The following SCNN1B variants were observed in gnomAD, a reference collection of about 807,000 sequenced individuals.
The protein encoded by SCNN1B is epithelial sodium channel subunit beta.
Under a neutral mutation model 65.3 loss-of-function variants are expected in SCNN1B, and 46 were observed. That is an observed-to-expected ratio of 0.70 (90% CI 0.56 to 0.90). The LOEUF (loss-of-function observed/expected upper bound fraction) is 0.90, where lower values mean the gene tolerates loss of function less well. Ranked by LOEUF, SCNN1B falls within the 40% of genes least tolerant of loss-of-function variation. The probability of loss-of-function intolerance (pLI) is 0.00; values close to 1 mark genes in which losing one functional copy is unlikely to be tolerated. For synonymous variants in SCNN1B, 349 were observed against 330.6 expected, an observed-to-expected ratio of 1.06 and a Z score of -0.60; for missense variants, 751 against 830.5, an observed-to-expected ratio of 0.90 and a Z score of 1.18.
chr16:23,380,611 T>C lies in SCNN1B; in HGVS notation c.1733T>C (p.Val578Ala). Reference protein sequence around the residue: ...QASYAGPPPTVAELVEAHTNF... With the variant: ...QASYAGPPPTAAELVEAHTNF... ...AGCTACGCTGGCCCACCGCCCACCG[T>C]GGCCGAGCTGGTGGAGGCCCACACC... Residue 578 changes from valine to alanine, a missense_variant, in exon 13 of 13, where the codon GTG becomes GCG. By Grantham distance (64) the Val-to-Ala change is moderately conservative. Coordinates refer to ENST00000343070, the MANE Select transcript of SCNN1B (RefSeq NM_000336.3). The surrounding 1 kb of genome is among the most constrained non-coding windows in gnomAD (Gnocchi z 5.4). 1.2e-6 allele frequency: 2 copies of C among 1,613,872 alleles called. No individual in the cohort carries two copies. Among genetic ancestry groups the C allele is most frequent in the Non-Finnish European group, 1.7e-6 (2 of 1,179,918 alleles).
At position 23,346,888 on chromosome 16, in the gene SCNN1B, C is replaced by T. The variant is rs148725392; in HGVS notation, c.-8-1704C>T. 4.6e-5 allele frequency among the ~76,000 whole-genome samples: 7 copies of T among 152,180 alleles called. No individual in the cohort carries two copies. The East Asian group carries it at 7.7e-4, about 17-fold the overall frequency. ...CATATTTTCATGCAGCCAGCCTCCA[C>T]GACAGCTTTATCAGGTGGAAGCTGT... On this transcript the variant is annotated intron_variant, in intron 1 of 12. Transcript: ENST00000343070.
At chr16:23,345,853 A>C (rs552365051) in intron 1 of SCNN1B, among the ~76,000 whole-genome samples, 13 of 152,344 alleles carry the variant, frequency 8.5e-5, no homozygotes, top group Non-Finnish European at 1.0e-4. Context: ...GTGAGGGTCC[A>C]GCCTGAAGTC....
chr16:23,330,349 G>A (rs771230682), intron 1 of SCNN1B, among the ~76,000 whole-genome samples: 3 of 152,164 alleles, frequency 2.0e-5, no homozygotes, highest in South Asian at 2.1e-4. Flanking sequence ...AGGCTATAGC[G>A]GTTTTGCTTG....
intron 1 of SCNN1B, among the ~76,000 whole-genome samples, chr16:23,311,013 C>A (rs955635797): frequency 2.6e-5 from 4 of 152,218 alleles, no homozygotes; most frequent in African/African-American, 9.6e-5. Context: ...ATGGCCTAGG[C>A]CAGTGGTCAG....
At chr16:23,282,810 A>C (rs1960800858) in intron 1 of SCNN1B, among the ~76,000 whole-genome samples, 1 of 152,200 alleles carries the variant, frequency 6.6e-6, no homozygotes. Flanking sequence ...ATTTGTATGT[A>C]ATTAAAAGTA....
upstream of SCNN1B, among the ~76,000 whole-genome samples, chr16:23,299,369 A>G (rs1324428929): frequency 6.6e-6 from 1 of 152,008 alleles, no homozygotes; most frequent in East Asian, 1.9e-4. Context: ...CGAAATTGCT[A>G]TTTTCATAGG....
At position 23,305,518 on chromosome 16, in the gene SCNN1B, C is replaced by G. The variant is rs1285942208; in HGVS notation, c.-9+3081C>G. ...TGAGCAACATGGCAAAAACCCATCT[C>G]TACCAAATATATATATTATATATAT... On this transcript the variant is annotated intron_variant, in intron 1 of 12. Transcript: ENST00000343070. Among the ~76,000 whole-genome samples the G allele has an allele frequency of 5.5e-4, 5 of 9,158 alleles. No individual in the cohort carries two copies. In the Admixed American group the frequency reaches 7.1e-3, roughly 13 times the overall value. The allele number at this position is 9,158 out of a possible 152,430, so 6.0% of individuals were successfully genotyped here.
chr16:23,339,328 T>C (rs1159889829), intron 1 of SCNN1B, among the ~76,000 whole-genome samples: 1 of 152,162 alleles, frequency 6.6e-6, no homozygotes, highest in African/African-American at 2.4e-5. Flanking sequence ...TGAACATATA[T>C]GTACAAGTCT....
At chr16:23,298,987 C>A (rs1315574937), upstream of SCNN1B, among the ~76,000 whole-genome samples, 1 of 151,278 alleles carries the variant, frequency 6.6e-6, no homozygotes, top group Non-Finnish European at 1.5e-5. Flanking sequence ...AGAAAACCTT[C>A]AAAAATAACG....
At chr16:23,299,703 G>A (rs1961046946), upstream of SCNN1B, among the ~76,000 whole-genome samples, 1 of 152,228 alleles carries the variant, frequency 6.6e-6, no homozygotes, top group Non-Finnish European at 1.5e-5. Flanking sequence ...AGATGCTGGA[G>A]AGGATGTGGA....
At chr16:23,312,740 G>A (rs901104781) in intron 1 of SCNN1B, among the ~76,000 whole-genome samples, 6 of 152,206 alleles carry the variant, frequency 3.9e-5, no homozygotes, top group East Asian at 3.9e-4. Context: ...ACAAGTCGCC[G>A]GCTGTTGGAA....
intron 1 of SCNN1B, among the ~76,000 whole-genome samples, chr16:23,313,131 C>T (rs764761888): frequency 1.7e-4 from 26 of 152,082 alleles, no homozygotes; most frequent in Non-Finnish European, 3.1e-4. Flanking sequence ...GCTCAGTGAA[C>T]GTTTATTGAA....
At chr16:23,299,300 T>C (rs1163607147), upstream of SCNN1B, among the ~76,000 whole-genome samples, 1 of 152,094 alleles carries the variant, frequency 6.6e-6, no homozygotes, top group Non-Finnish European at 1.5e-5. Context: ...GCTCAGGCAA[T>C]CCGCCCACCT....
rs765142958 is a variant in SCNN1B, at chr16:23,348,914, G to T, written c.311+4G>T. 2.5e-6 allele frequency: 4 copies of T among 1,613,928 alleles called. No individual in the cohort carries two copies. The highest frequency in any genetic ancestry group is 8.5e-7 in the Non-Finnish European group (1 of 1,179,878). On this transcript the variant is annotated splice_donor_region_variant and intron_variant, in intron 2 of 12. Transcript: ENST00000343070. This position sits in a 1 kb window ranked among gnomAD's most constrained non-coding sequence, Gnocchi z 4.5. The stretch of plus-strand genomic sequence containing the variant: ...TCTGCAATGCTAGCCCCTTCAAGTA[G>T]GTGGCCCCGGAGTGCACAGCTGGCC...
At chr16:23,304,754 A>G (rs568733807) in intron 1 of SCNN1B, among the ~76,000 whole-genome samples, 1 of 152,318 alleles carries the variant, frequency 6.6e-6, no homozygotes, top group South Asian at 2.1e-4. Flanking sequence ...ATGAAAAGCT[A>G]GAATCAGAGA....
intron 2 of SCNN1B, among the ~76,000 whole-genome samples, chr16:23,291,474 A>G (rs868375929): frequency 3.6e-4 from 44 of 121,274 alleles, no homozygotes; most frequent in African/African-American, 1.8e-3. Context: ...GTGTGTGTGT[A>G]AGTGTGTGTG....
intron 1 of SCNN1B, among the ~76,000 whole-genome samples, chr16:23,345,255 C>G (rs1318715231): frequency 6.6e-6 from 1 of 152,180 alleles, no homozygotes; most frequent in East Asian, 1.9e-4. Flanking sequence ...CTGCTGCCCT[C>G]AAGGGGCTTG....
chr16:23,372,602 C>A (rs1962808057), intron 7 of SCNN1B, among the ~76,000 whole-genome samples: 1 of 150,406 alleles, frequency 6.6e-6, no homozygotes, highest in African/African-American at 2.4e-5. Flanking sequence ...TCAAGCAATT[C>A]TCTGCCTCAG....
At chr16:23,364,096 G>A (rs1962602842) in intron 4 of SCNN1B, among the ~76,000 whole-genome samples, 1 of 151,448 alleles carries the variant, frequency 6.6e-6, no homozygotes, top group Admixed American at 6.6e-5. Flanking sequence ...GAACGGGGAG[G>A]CAGAGGCTGT....
Sources: allele counts gnomAD v4.1 joint callset (sites outside exome capture counted in the v4.1 genomes callset), GRCh38; gene constraint gnomAD v4.1.1; non-coding constraint Gnocchi (gnomAD v3.1); transcripts MANE v1.5; gene names NCBI Gene and HGNC (gene_info 2026-07-23, HGNC 2026-07-21).